ANK3: variants seen among roughly 807,000 people sequenced by gnomAD.
ANK3 encodes the protein ankyrin-3.
ANK3 carries 57 observed loss-of-function variants against 370.9 expected under a neutral mutation model. The ratio of observed to expected loss-of-function variants is 0.15; its 90% CI spans 0.12 to 0.19. The LOEUF is 0.19. Among genes scored for constraint, ANK3 ranks in the 10% least tolerant of loss-of-function variants. ANK3 has a pLI of 1.00. For missense variants in ANK3, 4,439 were observed against 5,302.1 expected, an observed-to-expected ratio of 0.84 and a Z score of 5.06; for synonymous variants, 1,929 against 1,946.3, an observed-to-expected ratio of 0.99 and a Z score of 0.23.
At position 60,389,564 on chromosome 10, in the gene ANK3, G is replaced by C. The variant is rs757353314; in HGVS notation, c.-26C>G. 86 of 1,611,374 alleles carry C rather than the reference G, an allele frequency of 5.3e-5. No individual in the cohort carries two copies. The highest frequency in any genetic ancestry group is 7.0e-5 in the Non-Finnish European group (83 of 1,179,354). ...AATGCATTTAAAAAGATCCTCTCAA[G>C]CACACACGGCTTCCTTGTAAAAGGT... On this transcript the variant is annotated 5_prime_UTR_variant, in exon 1 of 44. Transcript: ENST00000280772.
At chr10:60,730,409 C>T (rs948911643) in intron 1 of ANK3, among the ~76,000 whole-genome samples, 3 of 152,134 alleles carry the variant, frequency 2.0e-5, no homozygotes, top group African/African-American at 7.2e-5. Context: ...CCTCGCATCT[C>T]GGCCTCCCAA....
In ANK3 at chr10:60,072,825, T is replaced by G; in HGVS notation, c.8056A>C (p.Lys2686Gln). ...CTTCCTTTGGCTTCCACTGTGGACT[T>G]GCTGTCCTCAGTCTGTTGGGAGAGA... ...MVLSQQTEDSKSTVEAKGSIS... is the reference protein window; with the variant it reads ...MVLSQQTEDSQSTVEAKGSIS... Residue 2686 changes from lysine (K) to glutamine (Q), a missense_variant, in exon 37 of 44, where the codon AAG (lysine) becomes CAG (glutamine). Around this residue, in one of 13 missense-constraint regions of ANK3, gnomAD observed 1,601 missense variants for 1,731.7 expected, o/e 0.92. Coordinates refer to ENST00000280772, the MANE Select transcript of ANK3 (RefSeq NM_020987.5). 1 of 1,614,132 alleles carries G rather than the reference T, an allele frequency of 6.2e-7. No individual in the cohort carries two copies. The highest frequency in any genetic ancestry group is 8.5e-7 in the Non-Finnish European group (1 of 1,179,998).
chr10:60,358,730 TTTCTG>T (rs1266173748), intron 1 of ANK3, among the ~76,000 whole-genome samples: 1 of 152,198 alleles, frequency 6.6e-6, no homozygotes, highest in Non-Finnish European at 1.5e-5. Flanking sequence ...GCTGCCATTC[TTTCTG>T]TTCACTTTAC....
chr10:60,402,868 A>C lies in ANK3; in HGVS notation c.97-123229T>G, dbSNP rs565028687. Among the ~76,000 whole-genome samples the C allele has an allele frequency of 4.6e-5, 7 of 152,258 alleles. No homozygotes were observed. The South Asian group carries it at 1.5e-3, about 32-fold the overall frequency. On this transcript the variant is annotated intron_variant, in intron 2 of 43. Coordinates refer to the ANK3 transcript ENST00000373827. ...CTGAACCATAAGAACTGCCTGGCTG[A>C]TTCCAGCCCAGTGGCCAGCCTACAG...
At chr10:60,180,647 A>G (rs2132342687) in intron 18 of ANK3, among the ~76,000 whole-genome samples, 1 of 150,426 alleles carries the variant, frequency 6.6e-6, no homozygotes, top group African/African-American at 2.4e-5. Flanking sequence ...AGATGACACA[A>G]ATGACACAAA....
At chr10:60,133,995 T>C (rs1005499639) in intron 25 of ANK3, among the ~76,000 whole-genome samples, 1 of 152,194 alleles carries the variant, frequency 6.6e-6, no homozygotes, top group Non-Finnish European at 1.5e-5. Flanking sequence ...TTTAAAAAAC[T>C]GAAATAGATT....
chr10:60,568,392 A>T (rs1200847562), intron 2 of ANK3, among the ~76,000 whole-genome samples: 1 of 152,244 alleles, frequency 6.6e-6, no homozygotes, highest in Non-Finnish European at 1.5e-5. Context: ...GCCTTTTTAG[A>T]CATAAAAAAC....
rs866517074 is a variant in ANK3 at position 60,073,458 on chromosome 10, C to T, written c.7423G>A (p.Val2475Met). The T allele has an allele frequency of 5.6e-6, 9 of 1,614,018 alleles. No individual in the cohort carries two copies. Among genetic ancestry groups the T allele is most frequent in the African/African-American group, 1.3e-5 (1 of 75,030 alleles). The part of the protein sequence containing the change: ...EKMLLSEKLD[V>M]SHSDTEESVT... ...GATTCCTCAGTATCAGAATGAGACA[C>T]ATCTAGCTTTTCTGACAGAAGCATT... The change falls in exon 37 of 44, where the codon GTG (valine) becomes ATG (methionine). Residue 2475 changes from valine (V) to methionine (M), a missense_variant. Transcript: ENST00000280772.
chr10:60,161,861 A>G (rs977399785), intron 23 of ANK3, among the ~76,000 whole-genome samples: 4 of 152,172 alleles, frequency 2.6e-5, no homozygotes, highest in African/African-American at 9.7e-5. Flanking sequence ...ATAGTTAACA[A>G]TAATTTATAG....
intron 1 of ANK3, among the ~76,000 whole-genome samples, chr10:60,375,240 T>C (rs939639508): frequency 6.6e-6 from 1 of 152,184 alleles, no homozygotes; most frequent in African/African-American, 2.4e-5. Context: ...ACAACAGGTA[T>C]TAAACACTGT....
chr10:60,058,460 TTCAAATTA>T (rs1321012222), intron 41 of ANK3, among the ~76,000 whole-genome samples: 2 of 152,236 alleles, frequency 1.3e-5, no homozygotes, highest in Non-Finnish European at 2.9e-5. Context: ...CTGTGTATCT[TTCAAATTA>T]TGAAAAATAA....
chr10:60,374,230 C>A (rs968388882), intron 1 of ANK3, among the ~76,000 whole-genome samples: 1 of 152,028 alleles, frequency 6.6e-6, no homozygotes, highest in Admixed American at 6.6e-5. Context: ...CGGCGGGCAA[C>A]CTTAGGGGCC....
chr10:60,673,967 G>A lies in ANK3; in HGVS notation c.58-58743C>T, dbSNP rs117363480. Among the ~76,000 whole-genome samples the A allele has an allele frequency of 5.1e-4, 78 of 152,194 alleles. No homozygotes were observed. In the East Asian group the frequency reaches 0.014, roughly 26 times the overall value. ...CAAAGAGTCTTCACTGCTCAGATAC[G>A]GTCAAGTTCAGTTCACCAGGGTAGG... On this transcript the variant is annotated intron_variant, in intron 1 of 43. Coordinates refer to the ANK3 transcript ENST00000373827.
At chr10:60,368,460 T>C (rs2059688419) in intron 1 of ANK3, among the ~76,000 whole-genome samples, 2 of 152,170 alleles carry the variant, frequency 1.3e-5, no homozygotes, top group South Asian at 4.1e-4. Context: ...CTGAGCTGTT[T>C]GGCTTTATTC....
chr10:60,061,700 T>C (rs1038716234), intron 40 of ANK3, among the ~76,000 whole-genome samples: 2 of 152,112 alleles, frequency 1.3e-5, no homozygotes, highest in African/African-American at 4.8e-5. Context: ...GTTTGTTACA[T>C]GTATAACAAG....
At chr10:60,041,204 G>C (rs2076029307) in intron 43 of ANK3, among the ~76,000 whole-genome samples, 1 of 152,114 alleles carries the variant, frequency 6.6e-6, no homozygotes, top group Non-Finnish European at 1.5e-5. Context: ...CCTGCATTTA[G>C]AGCGAGTGAT....
chr10:60,566,509 A>G (rs2077465351), intron 2 of ANK3, among the ~76,000 whole-genome samples: 1 of 152,234 alleles, frequency 6.6e-6, no homozygotes, highest in African/African-American at 2.4e-5. Flanking sequence ...TAGTGAACAC[A>G]TGAATGATAA....
At chr10:60,064,077 G>T in intron 39 of ANK3, 80 bp downstream of exon 39, 3 of 1,312,422 alleles carry the variant, frequency 2.3e-6, no homozygotes, top group Non-Finnish European at 3.1e-6. Context: ...AACACTACTT[G>T]GATGAACCTA....
chr10:60,114,964 G>C (rs905079000), intron 25 of ANK3, among the ~76,000 whole-genome samples: 2 of 152,266 alleles, frequency 1.3e-5, no homozygotes, highest in Admixed American at 1.3e-4. Context: ...ACCTACAGGG[G>C]TCACTGTTGT....
Sources: allele counts gnomAD v4.1 joint callset (sites outside exome capture counted in the v4.1 genomes callset), GRCh38; gene constraint gnomAD v4.1.1; regional missense constraint gnomAD v4.1.1; transcripts MANE v1.5; gene names NCBI Gene and HGNC (gene_info 2026-07-23, HGNC 2026-07-21).